Variants in AXDND1 observed in about 807,000 individuals in gnomAD.
AXDND1 encodes the protein axonemal dynein light chain domain containing 1, also known as axonemal dynein light chain domain-containing protein 1.
Under a neutral mutation model 137.5 loss-of-function variants are expected in AXDND1, and 110 were observed. The ratio of observed to expected loss-of-function variants is 0.80; its 90% CI spans 0.69 to 0.94. The LOEUF (loss-of-function observed/expected upper bound fraction) is 0.94, where lower values mean the gene tolerates loss of function less well. AXDND1 is among the 40% of genes least tolerant of loss of function. The pLI is 0.00. For synonymous variants in AXDND1, 414 were observed against 399.7 expected (o/e 1.04, Z -0.43); for missense variants, 1,191 against 1,169.8 (o/e 1.02, Z -0.26).
chr1:179,476,167 C>T (rs1664599588), intron 17 of AXDND1, among the ~76,000 whole-genome samples: 1 of 152,026 alleles, frequency 6.6e-6, no homozygotes, highest in South Asian at 2.1e-4. Flanking sequence ...TTCTTTATAG[C>T]ATTGTAGAAT....
chr1:179,436,293 C>T (rs572123918), intron 15 of AXDND1, among the ~76,000 whole-genome samples: 1 of 152,236 alleles, frequency 6.6e-6, no homozygotes, highest in South Asian at 2.1e-4. Flanking sequence ...AGTGATGCCT[C>T]AAGGATCTAG....
intron 23 of AXDND1, among the ~76,000 whole-genome samples, chr1:179,533,336 T>G (rs949817658): frequency 6.6e-6 from 1 of 152,328 alleles, no homozygotes; most frequent in African/African-American, 2.4e-5. Context: ...CTGATATTTA[T>G]GAAGTCCCCT....
At chr1:179,436,518 G>T (rs1436577431) in intron 15 of AXDND1, among the ~76,000 whole-genome samples, 3 of 152,216 alleles carry the variant, frequency 2.0e-5, no homozygotes, top group Non-Finnish European at 4.4e-5. Context: ...CCATAGAAAG[G>T]AATGAGATCA....
chr1:179,508,322 C>G (rs1369835911), intron 20 of AXDND1, among the ~76,000 whole-genome samples: 3 of 116,094 alleles, frequency 2.6e-5, no homozygotes, highest in Non-Finnish European at 3.6e-5. Context: ...GGCAACAGAG[C>G]AAGACCCTGT....
At chr1:179,404,199 G>A (rs1443307545) in intron 11 of AXDND1, among the ~76,000 whole-genome samples, 1 of 148,292 alleles carries the variant, frequency 6.7e-6, no homozygotes, top group Non-Finnish European at 1.5e-5. Context: ...TCTAGGCTGT[G>A]TTCATCTGTG....
intron 23 of AXDND1, among the ~76,000 whole-genome samples, chr1:179,531,220 G>A (rs912235982): frequency 4.6e-5 from 7 of 152,086 alleles, no homozygotes; most frequent in African/African-American, 1.7e-4. Context: ...GCACCATCCT[G>A]TTGTCAGAAG....
intron 25 of AXDND1, chr1:179,550,893 C>A: frequency 2.2e-6 from 1 of 456,858 alleles, no homozygotes; most frequent in Non-Finnish European, 4.0e-6. Flanking sequence ...AAAATTTAAC[C>A]ACATCTAGAC....
At chr1:179,544,683 AAAAAAAGAAAAAG>A (rs1472684063) in intron 25 of AXDND1, 45 of 151,732 alleles carry the variant, frequency 3.0e-4, no homozygotes, top group African/African-American at 8.5e-4. Flanking sequence ...CAAAAAAAAA[AAAAAAAGAAAAAG>A]AAAAAAAGAG....
In AXDND1 at chr1:179,517,147, T is replaced by A. The variant is rs894024062; in HGVS notation, c.2496+7744T>A. ...CTGTGGCTGCTGTGGGGAATGGGGG[T>A]GAGTTTCCCAGGTCAGTGGAGTTAT... is the stretch of plus-strand genomic sequence containing the variant. On this transcript the variant is annotated intron_variant, in intron 21 of 25. Coordinates refer to ENST00000367618, the MANE Select transcript of AXDND1 (RefSeq NM_144696.6). Among the ~76,000 whole-genome samples the A allele has an allele frequency of 4.0e-5, 6 of 151,584 alleles. 1 individual carries two copies. In the South Asian group the frequency reaches 1.3e-3, roughly 32 times the overall value.
intron 17 of AXDND1, among the ~76,000 whole-genome samples, chr1:179,482,098 A>ATTTTTT (rs57145549): frequency 6.5e-5 from 7 of 108,070 alleles, no homozygotes; most frequent in Non-Finnish European, 1.3e-4. Context: ...GAGCTTTTTA[A>ATTTTTT]TTTTTTTTTT....
At chr1:179,415,859 G>C (rs962757618) in intron 12 of AXDND1, among the ~76,000 whole-genome samples, 3 of 151,994 alleles carry the variant, frequency 2.0e-5, no homozygotes, top group Non-Finnish European at 2.9e-5. Flanking sequence ...ATAATTTAAT[G>C]CATTCATGTA....
intron 18 of AXDND1, among the ~76,000 whole-genome samples, chr1:179,487,548 T>A (rs1666221501): frequency 6.7e-6 from 1 of 148,456 alleles, no homozygotes. Flanking sequence ...AGATTAAACT[T>A]GTGATTATAA....
intron 16 of AXDND1, chr1:179,447,875 G>T: frequency 7.4e-7 from 1 of 1,343,850 alleles, no homozygotes; most frequent in South Asian, 1.2e-5. Flanking sequence ...GGTCTCTGAG[G>T]AGCTCCAGGG....
chr1:179,411,187 A>G lies in AXDND1; in HGVS notation c.1151A>G (p.Glu384Gly), dbSNP rs749075897. 1.2e-6 allele frequency: 2 copies of G among 1,611,550 alleles called. No individual in the cohort carries two copies. The highest frequency in any genetic ancestry group is 1.7e-6 in the Non-Finnish European group (2 of 1,178,840). The change falls in exon 12 of 26, where the codon GAA becomes GGA. Residue 384 changes from glutamate to glycine, a missense_variant. Coordinates refer to ENST00000367618, the MANE Select transcript of AXDND1 (RefSeq NM_144696.6). ...EYHDLYTLQR[E>G]RMENDMKKLV... ...CATGACTTATATACATTACAAAGAG[A>G]AAGGATGGAGAATGATATGAAAAAG...
chr1:179,549,720 C>A (rs564312389), intron 25 of AXDND1, among the ~76,000 whole-genome samples: 1 of 152,200 alleles, frequency 6.6e-6, no homozygotes, highest in African/African-American at 2.4e-5. Context: ...GACCAACAAC[C>A]CTCGGTGCCA....
intron 9 of AXDND1, among the ~76,000 whole-genome samples, chr1:179,387,698 G>A (rs1253893928): frequency 6.6e-6 from 1 of 152,210 alleles, no homozygotes; most frequent in Non-Finnish European, 1.5e-5. Context: ...GACAAGAGCA[G>A]TGCCCAATTT....
intron 4 of AXDND1, among the ~76,000 whole-genome samples, chr1:179,377,987 G>T (rs976542914): frequency 3.9e-5 from 6 of 152,046 alleles, no homozygotes; most frequent in African/African-American, 1.4e-4. Flanking sequence ...TGGCCAACGT[G>T]GCAAAACCCC....
At chr1:179,509,262 G>A in intron 20 of AXDND1, 34 bp from the exon 21 acceptor site, 2 of 1,435,442 alleles carry the variant, frequency 1.4e-6, no homozygotes, top group South Asian at 1.2e-5. Context: ...AAATGAGCTG[G>A]TTTTTCTGCT....
At chr1:179,371,856 C>T (rs186550524) in intron 4 of AXDND1, among the ~76,000 whole-genome samples, 3 of 152,122 alleles carry the variant, frequency 2.0e-5, no homozygotes, top group African/African-American at 2.4e-5. Flanking sequence ...ACAGCTCAGT[C>T]GCCAACTGTC....
Sources: allele counts gnomAD v4.1 joint callset (sites outside exome capture counted in the v4.1 genomes callset), GRCh38; gene constraint gnomAD v4.1.1; transcripts MANE v1.5; gene names NCBI Gene and HGNC (gene_info 2026-07-23, HGNC 2026-07-21).